The following PCNX1 variants were observed in gnomAD, a reference collection of about 807,000 sequenced individuals.
PCNX1 encodes the protein pecanex 1, also known as pecanex-like protein 1.
A neutral mutation model predicts 242.2 loss-of-function variants in PCNX1; 78 were observed. The observed-to-expected ratio is 0.32, with a 90% CI of 0.27 to 0.39. PCNX1 has a LOEUF of 0.39. PCNX1 is among the 10% of genes least tolerant of loss of function. The pLI is 1.00. For synonymous variants in PCNX1, 1,024 were observed against 1,032.9 expected (o/e 0.99, Z 0.17); for missense variants, 2,581 against 2,856.5 (o/e 0.90, Z 2.20).
chr14:70,926,211 A>G (rs1247532708), intron 1 of PCNX1, among the ~76,000 whole-genome samples: 1 of 152,190 alleles, frequency 6.6e-6, no homozygotes, highest in Non-Finnish European at 1.5e-5. Context: ...GGCCAGGGTT[A>G]GCCTTGTTCT....
At chr14:70,913,800 T>G (rs1375931792) in intron 1 of PCNX1, among the ~76,000 whole-genome samples, 1 of 152,214 alleles carries the variant, frequency 6.6e-6, no homozygotes, top group Non-Finnish European at 1.5e-5. Flanking sequence ...CTCTAAAAGT[T>G]TAGATCAAGC....
intron 26 of PCNX1, chr14:71,060,689 AC>A (rs1399499825): frequency 6.6e-6 from 1 of 152,222 alleles, no homozygotes; most frequent in African/African-American, 2.4e-5. Context: ...AAGAACAAGA[AC>A]AAAGTGACAG....
rs1566673118 is a variant in PCNX1 at position 70,994,425 on chromosome 14, A to ATG, written c.2445-1315_2445-1314insGT. 3.1e-3 allele frequency among the ~76,000 whole-genome samples: 348 copies of ATG among 112,664 alleles called. 3 individuals carry two copies. The highest frequency in any genetic ancestry group is 0.011 in the African/African-American group (333 of 30,264). 73.9% of individuals were successfully genotyped at this position (112,664 alleles called of 152,430 possible). A position where few individuals can be genotyped will look rare whatever the true frequency, so the allele number is the denominator to read the frequency against. The stretch of plus-strand genomic sequence containing the variant: ...TATATATATATATATATATATATAT[A>ATG]TATATGTATGTATGTATGTTTCAAC... On this transcript the variant is annotated intron_variant, in intron 7 of 35. Transcript: ENST00000304743.
At chr14:71,011,726 A>G (rs2059826558) in intron 10 of PCNX1, 177 bp downstream of exon 10, 2 of 575,352 alleles carry the variant, frequency 3.5e-6, no homozygotes, top group African/African-American at 3.8e-5. Context: ...AAGTCCTTTG[A>G]TAAGAAACAA....
intron 6 of PCNX1, among the ~76,000 whole-genome samples, chr14:70,983,364 G>A (rs1309123923): frequency 2.0e-5 from 3 of 152,044 alleles, no homozygotes; most frequent in South Asian, 2.1e-4. Context: ...GAGTGCAGTG[G>A]TACAATCACA....
At chr14:70,925,619 T>A (rs2140123067) in intron 1 of PCNX1, among the ~76,000 whole-genome samples, 1 of 149,872 alleles carries the variant, frequency 6.7e-6, no homozygotes, top group African/African-American at 2.5e-5. Flanking sequence ...TGCCCTGAAC[T>A]GTATCTACTC....
chr14:71,032,503 C>T (rs948177534), intron 16 of PCNX1, among the ~76,000 whole-genome samples: 1 of 145,598 alleles, frequency 6.9e-6, no homozygotes, highest in Non-Finnish European at 1.5e-5. Flanking sequence ...AAGGATGCAG[C>T]TCTACACAGT....
intron 30 of PCNX1, among the ~76,000 whole-genome samples, chr14:71,099,804 T>C (rs2062414156): frequency 6.6e-6 from 1 of 152,248 alleles, no homozygotes; most frequent in South Asian, 2.1e-4. Context: ...TCTTGTTAAA[T>C]TGAACTTTCT....
chr14:71,047,248 G>A (rs1196985892), intron 21 of PCNX1, 143 bp downstream of exon 21: 5 of 474,430 alleles, frequency 1.1e-5, no homozygotes, highest in Non-Finnish European at 1.4e-5. Context: ...TTTTGTCCTT[G>A]ACTTACCTTT....
At chr14:71,108,514 C>T in intron 33 of PCNX1, 90 bp from the exon 34 acceptor site, 1 of 999,752 alleles carries the variant, frequency 1.0e-6, no homozygotes, top group Non-Finnish European at 1.5e-6. Flanking sequence ...CAATTAATTG[C>T]TTAGGGGAAA....
Position 71,076,291 on chromosome 14 carries a change from G to A in PCNX1, c.5209G>A (p.Asp1737Asn). Reference sequence around the variant, plus strand: ...TCTGTGTGCTGATCGCAATTATGTCGATGTGGACCCGACCTTTAATCCAAA... The same window carrying A: ...TCTGTGTGCTGATCGCAATTATGTCAATGTGGACCCGACCTTTAATCCAAA... ...LRLCADRNYV[D>N]VDPTFNPNID... The change falls in exon 28 of 36, where the codon GAT (aspartate) becomes AAT (asparagine). Residue 1737 changes from aspartate to asparagine, a missense_variant. By Grantham distance (23) the Asp-to-Asn change is conservative. Transcript: ENST00000304743. 1.2e-6 allele frequency: 2 copies of A among 1,613,866 alleles called. No homozygotes were observed. The highest frequency in any genetic ancestry group is 8.5e-7 in the Non-Finnish European group (1 of 1,179,864).
intron 13 of PCNX1, among the ~76,000 whole-genome samples, chr14:71,024,686 G>A (rs1158087402): frequency 6.6e-6 from 1 of 152,086 alleles, no homozygotes; most frequent in African/African-American, 2.4e-5. Flanking sequence ...TTGTCTTCAA[G>A]GTGTCTGAAA....
intron 19 of PCNX1, among the ~76,000 whole-genome samples, 175 bp from the exon 20 acceptor site, chr14:71,044,958 C>A (rs2141094055): frequency 6.6e-6 from 1 of 152,284 alleles, no homozygotes; most frequent in East Asian, 1.9e-4. Context: ...ACTTTCAAGG[C>A]TGATTAGAAC....
intron 19 of PCNX1, 131 bp downstream of exon 19, chr14:71,036,288 C>A: frequency 1.6e-6 from 1 of 630,686 alleles, no homozygotes; most frequent in East Asian, 2.8e-5. Flanking sequence ...AAGTGATCCT[C>A]CCACGTAGCT....
intron 6 of PCNX1, among the ~76,000 whole-genome samples, chr14:70,979,832 A>G (rs138087459): frequency 2.0e-5 from 3 of 152,272 alleles, no homozygotes; most frequent in African/African-American, 7.2e-5. Context: ...GAAATTTTCT[A>G]GTACCTAAAG....
intron 7 of PCNX1, among the ~76,000 whole-genome samples, chr14:70,993,146 A>G (rs868501585): frequency 6.7e-5 from 10 of 149,224 alleles, no homozygotes; most frequent in African/African-American, 2.5e-4. Flanking sequence ...TTTGAGACAG[A>G]GTCTTGCTCT....
At chr14:71,042,402 C>T (rs1480711747) in intron 19 of PCNX1, among the ~76,000 whole-genome samples, 2 of 152,014 alleles carry the variant, frequency 1.3e-5, no homozygotes, top group East Asian at 1.9e-4. Context: ...GAATTGATCC[C>T]TTTATTATTA....
rs1049196095 is a variant in PCNX1, at chr14:71,105,562, T to G, written c.6301+122T>G. The stretch of plus-strand genomic sequence containing the variant: ...GAAATTCAGAAATAGAATTTTTTTT[T>G]TTTTTTGAGATGGAGTCTTGCTCTG... On this transcript the variant is annotated intron_variant, in intron 33 of 35. Coordinates refer to ENST00000304743, the MANE Select transcript of PCNX1 (RefSeq NM_014982.3). 1.7e-5 allele frequency: 13 copies of G among 754,332 alleles called. No homozygotes were observed. The African/African-American group carries it at 2.0e-4, about 11-fold the overall frequency. 46.7% of individuals were successfully genotyped at this position (754,332 alleles called of 1,614,324 possible). A position where few individuals can be genotyped will look rare whatever the true frequency, so the allele number is the denominator to read the frequency against.
intron 7 of PCNX1, among the ~76,000 whole-genome samples, chr14:70,990,271 T>C (rs984298578): frequency 6.6e-6 from 1 of 151,164 alleles, no homozygotes; most frequent in South Asian, 2.1e-4. Context: ...AAAAAAATAA[T>C]AATAAAAAGG....
Sources: gnomAD v4.1 joint callset for allele counts (sites outside exome capture counted in the v4.1 genomes callset) on GRCh38, gnomAD v4.1.1 for gene constraint, MANE v1.5 for transcripts, NCBI Gene and HGNC (gene_info 2026-07-23, HGNC 2026-07-21) for gene names.